Variants in CDKL1 observed in about 807,000 individuals in gnomAD.
CDKL1 encodes the protein cyclin-dependent kinase-like 1.
Under a neutral mutation model 42.0 loss-of-function variants are expected in CDKL1, and 41 were observed. The observed-to-expected ratio is 0.98, with a 90% confidence interval of 0.76 to 1.27. The LOEUF (loss-of-function observed/expected upper bound fraction) is 1.27. CDKL1 is among the 50% of genes most tolerant of loss of function. The probability of loss-of-function intolerance (pLI) is 0.00; values close to 1 mark genes in which losing one functional copy is unlikely to be tolerated. For synonymous variants in CDKL1, 153 were observed against 158.6 expected (o/e 0.96, Z 0.26); for missense variants, 394 against 428.4 (o/e 0.92, Z 0.71).
At chr14:50,367,199 G>A (rs1484296772) in intron 2 of CDKL1, among the ~76,000 whole-genome samples, 1 of 152,216 alleles carries the variant, frequency 6.6e-6, no homozygotes, top group Non-Finnish European at 1.5e-5. Flanking sequence ...GGAGGAAGTG[G>A]TCAGTGTTGA....
rs763849645 is a variant in CDKL1, at chr14:50,338,929, C to G, written c.738+18G>C. On this transcript the variant is annotated intron_variant, in intron 7 of 9. Coordinates refer to ENST00000395834, the MANE Select transcript of CDKL1 (RefSeq NM_004196.7). ...GCTAGCCTGGCCTACAGAGCTCTCT[C>G]CAAAATGGGTAACTCACCATATCTT... is the stretch of plus-strand genomic sequence containing the variant. 2.6e-6 allele frequency: 4 copies of G among 1,553,450 alleles called. No individual in the cohort carries two copies. The Admixed American group carries it at 6.7e-5, about 26-fold the overall frequency.
At chr14:50,369,608 G>GCA (rs34614605) in intron 2 of CDKL1, among the ~76,000 whole-genome samples, 39,508 of 143,744 alleles carry the variant, frequency 0.27, 6,023 homozygotes, top group South Asian at 0.49. Context: ...ATACACACAT[G>GCA]CACACACACA....
chr14:50,366,622 G>A (rs2034442997), intron 2 of CDKL1, among the ~76,000 whole-genome samples: 1 of 152,242 alleles, frequency 6.6e-6, no homozygotes, highest in Admixed American at 6.5e-5. Flanking sequence ...CAAAATGGAT[G>A]AAGTGGCTGT....
intron 3 of CDKL1, among the ~76,000 whole-genome samples, chr14:50,350,350 G>A (rs77594052): frequency 7.9e-4 from 121 of 152,332 alleles, no homozygotes; most frequent in African/African-American, 2.8e-3. Context: ...GGCTAGAACA[G>A]GTATGAAGAA....
intron 2 of CDKL1, among the ~76,000 whole-genome samples, chr14:50,386,403 C>T (rs7145742): frequency 0.58 from 87,982 of 152,032 alleles, 25,873 homozygotes; most frequent in East Asian, 0.78. Flanking sequence ...CACTGCACTG[C>T]AGCCTGGGCA....
In CDKL1 at chr14:50,396,857, C is replaced by T; in HGVS notation, c.-495G>A. 1 of 196,452 alleles carries T rather than the reference C, an allele frequency of 5.1e-6. No individual in the cohort carries two copies. The highest frequency in any genetic ancestry group is 9.9e-5 in the South Asian group (1 of 10,114). 12.2% of individuals were successfully genotyped at this position (196,452 alleles called of 1,614,324 possible). On this transcript the variant is annotated 5_prime_UTR_variant, in exon 1 of 10. Transcript: ENST00000395834. ...GGCGGTCAGGGACGGGCCTGGCTCC[C>T]GCCTCGCCTTCTTCCGCCCAGCTCG...
chr14:50,335,650 C>T, intron 7 of CDKL1: 1 of 1,512,904 alleles, frequency 6.6e-7, no homozygotes, highest in Admixed American at 2.0e-5. Flanking sequence ...AGCAGAGAGG[C>T]TGAGAAAATA....
Position 50,332,299 on chromosome 14 carries a change from T to G in CDKL1, c.929A>C (p.Lys310Thr), listed in dbSNP as rs368664557. 5 of 1,614,064 alleles carry G rather than the reference T, an allele frequency of 3.1e-6. No homozygotes were observed. The highest frequency in any genetic ancestry group is 3.4e-6 in the Non-Finnish European group (4 of 1,180,022). The change falls in exon 9 of 10, where the codon AAG becomes ACG. Residue 310 changes from lysine to threonine, a missense_variant. Physicochemically the swap from Lys to Thr is moderately conservative, Grantham distance 78. Transcript: ENST00000395834. ...TGTAAAGCAGTGGTGCTTTCGGCTC[T>G]TTCTTAGGGTCTTCCTTGTTGGTTT... ...HNKPTRKTLR[K>T]SRKHHCFTET...
At chr14:50,377,634 T>C in intron 2 of CDKL1, 1 of 1,287,112 alleles carries the variant, frequency 7.8e-7, no homozygotes. Context: ...CTGCTGATGA[T>C]AAGTGGGGTG....
chr14:50,354,411 T>A (rs896100004), intron 3 of CDKL1, among the ~76,000 whole-genome samples: 2 of 152,200 alleles, frequency 1.3e-5, no homozygotes, highest in Non-Finnish European at 2.9e-5. Flanking sequence ...GAACAAACTA[T>A]GTTATTCAGA....
chr14:50,390,705 C>T (rs2035232079), intron 2 of CDKL1, among the ~76,000 whole-genome samples: 2 of 152,238 alleles, frequency 1.3e-5, no homozygotes, highest in Admixed American at 1.3e-4. Context: ...TTCCTTGCCC[C>T]TTGCCGGACA....
chr14:50,332,638 A>T (rs2033021842), intron 8 of CDKL1: 1 of 1,522,152 alleles, frequency 6.6e-7, no homozygotes, highest in Admixed American at 2.0e-5. Flanking sequence ...AGAAGTAGTA[A>T]TGAAAAATCA....
intron 7 of CDKL1, chr14:50,335,410 A>G: frequency 2.9e-6 from 4 of 1,392,196 alleles, no homozygotes; most frequent in Non-Finnish European, 3.9e-6. Context: ...ATTTTCTGGA[A>G]TAAACACTGT....
Position 50,327,117 on chromosome 14 carries a change from C to A in CDKL1, c.*2957G>T, listed in dbSNP as rs1184262992. On this transcript the variant is annotated 3_prime_UTR_variant, in exon 10 of 10. Coordinates refer to ENST00000395834, the MANE Select transcript of CDKL1 (RefSeq NM_004196.7). ...CCAAGGCAGGCAGATCATTTGAGCC[C>A]AGGAGTTCAGGACGAGCCTGGGCAA... 1 of 146,662 alleles carries A rather than the reference C, an allele frequency of 6.8e-6. No individual in the cohort carries two copies. Among genetic ancestry groups the A allele is most frequent in the Non-Finnish European group, 1.5e-5 (1 of 67,900 alleles). 9.1% of individuals were successfully genotyped at this position (146,662 alleles called of 1,614,324 possible). A position where few individuals can be genotyped will look rare whatever the true frequency, so the allele number is the denominator to read the frequency against.
intron 7 of CDKL1, among the ~76,000 whole-genome samples, chr14:50,335,265 C>T (rs1353237001): frequency 7.4e-6 from 1 of 134,340 alleles, no homozygotes; most frequent in Non-Finnish European, 1.5e-5. Flanking sequence ...CACTGCACTC[C>T]AGCATGGGCG....
At chr14:50,387,200 C>A (rs1172057790) in intron 2 of CDKL1, among the ~76,000 whole-genome samples, 1 of 88,520 alleles carries the variant, frequency 1.1e-5, no homozygotes, top group African/African-American at 5.1e-5. Flanking sequence ...GACTGAGACC[C>A]TGTCTTAAAA....
intron 2 of CDKL1, among the ~76,000 whole-genome samples, chr14:50,368,319 T>TG (rs1175615044): frequency 6.6e-6 from 1 of 151,430 alleles, no homozygotes; most frequent in Admixed American, 6.6e-5. Context: ...TGCAGTGGCA[T>TG]GATCATGGCT....
At chr14:50,364,817 T>C (rs1387385304) in intron 2 of CDKL1, among the ~76,000 whole-genome samples, 1 of 152,234 alleles carries the variant, frequency 6.6e-6, no homozygotes, top group Non-Finnish European at 1.5e-5. Flanking sequence ...TTTTTCTCTA[T>C]TCATTTTATT....
intron 2 of CDKL1, among the ~76,000 whole-genome samples, chr14:50,394,179 C>A (rs11570789): frequency 6.6e-6 from 1 of 152,078 alleles, no homozygotes; most frequent in Non-Finnish European, 1.5e-5. Context: ...GTAAATGAAC[C>A]CTTTGAAATG....
Sources: allele counts gnomAD v4.1 joint callset (sites outside exome capture counted in the v4.1 genomes callset), GRCh38; gene constraint gnomAD v4.1.1; transcripts MANE v1.5; gene names NCBI Gene and HGNC (gene_info 2026-07-23, HGNC 2026-07-21).